BMPER: variants seen among roughly 807,000 people sequenced by gnomAD.
BMPER encodes the protein BMP-binding endothelial regulator protein.
In BMPER, 45 loss-of-function variants were observed where a neutral mutation model predicts 87.3. That is an observed-to-expected ratio of 0.52 (90% confidence interval 0.41 to 0.66). The LOEUF (loss-of-function observed/expected upper bound fraction) is 0.66, where lower values mean the gene tolerates loss of function less well. Ranked by LOEUF, BMPER falls within the 30% of genes least tolerant of loss-of-function variation. The pLI is 0.00. For missense variants in BMPER, 784 were observed against 867.5 expected (o/e 0.90, Z 1.21); for synonymous variants, 326 against 316.2 (o/e 1.03, Z -0.33).
intron 11 of BMPER, among the ~76,000 whole-genome samples, chr7:34,075,883 A>G (rs1056513200): frequency 6.6e-6 from 1 of 152,224 alleles, no homozygotes; most frequent in African/African-American, 2.4e-5. Flanking sequence ...CTGCGCCTGC[A>G]GGATCTGGCA....
At chr7:34,130,385 C>T (rs913458175) in intron 13 of BMPER, among the ~76,000 whole-genome samples, 1 of 152,226 alleles carries the variant, frequency 6.6e-6, no homozygotes, top group Non-Finnish European at 1.5e-5. Context: ...CACCACTGAC[C>T]TCCTAGCTGT....
At chr7:34,003,308 C>G (rs1241463227) in intron 6 of BMPER, among the ~76,000 whole-genome samples, 1 of 151,812 alleles carries the variant, frequency 6.6e-6, no homozygotes, top group South Asian at 2.1e-4. Flanking sequence ...TTAAGATAAT[C>G]CAGTTCAGAT....
At chr7:34,086,177 T>C (rs56280088) in intron 13 of BMPER, 85 bp downstream of exon 13, 19,257 of 1,475,776 alleles carry the variant, frequency 0.013, 202 homozygotes, top group Middle Eastern at 0.05. Flanking sequence ...AAATCTCTTG[T>C]TGTGCAGGAC....
At chr7:33,961,804 G>A (rs1007705758) in intron 3 of BMPER, among the ~76,000 whole-genome samples, 45 of 152,150 alleles carry the variant, frequency 3.0e-4, no homozygotes, top group African/African-American at 8.9e-4. Flanking sequence ...GCATTCAGAA[G>A]CTTGTGAGTT....
chr7:33,973,453 C>A (rs541042544), intron 5 of BMPER, among the ~76,000 whole-genome samples: 41 of 152,350 alleles, frequency 2.7e-4, no homozygotes, highest in Non-Finnish European at 5.7e-4. Context: ...TTTTAAACCA[C>A]GGTTTCACTT....
chr7:33,997,418 C>G (rs1312465146), intron 6 of BMPER, among the ~76,000 whole-genome samples: 1 of 152,212 alleles, frequency 6.6e-6, no homozygotes, highest in South Asian at 2.1e-4. Flanking sequence ...TGCAGTTTCC[C>G]CCATGATATT....
At chr7:34,075,988 G>A (rs1373020603) in intron 11 of BMPER, among the ~76,000 whole-genome samples, 1 of 152,150 alleles carries the variant, frequency 6.6e-6, no homozygotes, top group Non-Finnish European at 1.5e-5. Flanking sequence ...TAATTTTCAG[G>A]CATCTTCACA....
intron 13 of BMPER, among the ~76,000 whole-genome samples, chr7:34,101,024 C>G (rs1789668022): frequency 6.6e-6 from 1 of 152,166 alleles, no homozygotes; most frequent in African/African-American, 2.4e-5. Flanking sequence ...GCCCCCTGAT[C>G]AGAATCTGCA....
At chr7:34,053,721 C>G (rs1788205111) in intron 8 of BMPER, among the ~76,000 whole-genome samples, 1 of 151,864 alleles carries the variant, frequency 6.6e-6, no homozygotes, top group South Asian at 2.1e-4. Flanking sequence ...ATTGAGTAAG[C>G]CGAAGAGGAG....
chr7:33,919,392 G>T (rs1784162794), intron 2 of BMPER, among the ~76,000 whole-genome samples: 1 of 152,232 alleles, frequency 6.6e-6, no homozygotes, highest in Non-Finnish European at 1.5e-5. Flanking sequence ...TAAATTCAGA[G>T]TGAATTTGCA....
Position 33,937,404 on chromosome 7 carries a change from G to T in BMPER, c.319+16G>T. On this transcript the variant is annotated intron_variant, in intron 3 of 14. Coordinates refer to ENST00000649409, the MANE Select transcript of BMPER (RefSeq NM_001365308.1). Reference sequence around the variant, plus strand: ...CAGTGCAAAGGTGATTGATGTCTTGGCCGTCTTCTCTTCTGGCTGCTGCTT... The same window carrying T: ...CAGTGCAAAGGTGATTGATGTCTTGTCCGTCTTCTCTTCTGGCTGCTGCTT... 1 of 1,609,978 alleles carries T rather than the reference G, an allele frequency of 6.2e-7. No homozygotes were observed. Among genetic ancestry groups the T allele is most frequent in the Non-Finnish European group, 8.5e-7 (1 of 1,176,244 alleles).
chr7:33,955,167 G>C (rs1785120202), intron 3 of BMPER, among the ~76,000 whole-genome samples: 1 of 152,186 alleles, frequency 6.6e-6, no homozygotes, highest in African/African-American at 2.4e-5. Flanking sequence ...AAAGTGCTGG[G>C]ATTACAGGCG....
intron 10 of BMPER, among the ~76,000 whole-genome samples, chr7:34,061,371 C>T (rs1408146813): frequency 6.6e-6 from 1 of 152,070 alleles, no homozygotes; most frequent in African/African-American, 2.4e-5. Flanking sequence ...AGTGTATTTC[C>T]AGAAAGGTAA....
At chr7:34,007,608 A>G in intron 6 of BMPER, among the ~76,000 whole-genome samples, 1 of 152,022 alleles carries the variant, frequency 6.6e-6, no homozygotes, top group East Asian at 1.9e-4. Context: ...ATGTTGTTCC[A>G]AATCAGTGTA....
chr7:34,041,846 T>A (rs1275764850), intron 6 of BMPER, among the ~76,000 whole-genome samples: 1 of 152,138 alleles, frequency 6.6e-6, no homozygotes, highest in African/African-American at 2.4e-5. Context: ...CTCTAGAATG[T>A]GGAAGAGTGT....
intron 13 of BMPER, among the ~76,000 whole-genome samples, chr7:34,109,175 TC>T (rs1479960564): frequency 6.6e-6 from 1 of 152,058 alleles, no homozygotes; most frequent in Non-Finnish European, 1.5e-5. Flanking sequence ...ATAGTCCCAG[TC>T]CAAAGACCAC....
intron 6 of BMPER, among the ~76,000 whole-genome samples, chr7:34,006,369 A>G (rs1257340638): frequency 1.3e-5 from 2 of 151,568 alleles, no homozygotes; most frequent in African/African-American, 4.9e-5. Flanking sequence ...TTTACTGTGT[A>G]TTAGTGAATC....
At chr7:34,071,817 A>T (rs965068067) in intron 11 of BMPER, among the ~76,000 whole-genome samples, 1 of 152,240 alleles carries the variant, frequency 6.6e-6, no homozygotes, top group Non-Finnish European at 1.5e-5. Flanking sequence ...TAAGAGAATC[A>T]TATATTATTG....
chr7:34,032,592 T>C (rs924295490), intron 6 of BMPER, among the ~76,000 whole-genome samples: 4 of 152,182 alleles, frequency 2.6e-5, no homozygotes, highest in Non-Finnish European at 5.9e-5. Context: ...GCTTATACTA[T>C]TGGGCTACAT....
Sources: allele counts gnomAD v4.1 joint callset (sites outside exome capture counted in the v4.1 genomes callset), GRCh38; gene constraint gnomAD v4.1.1; transcripts MANE v1.5; gene names NCBI Gene and HGNC (gene_info 2026-07-23, HGNC 2026-07-21).